The following ANKRD31 variants were observed in gnomAD, a reference collection of about 807,000 sequenced individuals.
The protein encoded by ANKRD31 is ankyrin repeat domain 31.
Under a neutral mutation model 186.0 loss-of-function variants are expected in ANKRD31, and 147 were observed. The ratio of observed to expected loss-of-function variants is 0.79; its 90% confidence interval spans 0.69 to 0.91. ANKRD31 has a LOEUF of 0.91. Among genes scored for constraint, ANKRD31 ranks in the 40% least tolerant of loss-of-function variants. The probability of loss-of-function intolerance (pLI) is 0.00; values close to 1 mark genes in which losing one functional copy is unlikely to be tolerated. For missense variants in ANKRD31, 1,986 were observed against 2,148.8 expected (o/e 0.92, Z 1.50); for synonymous variants, 673 against 736.4 (o/e 0.91, Z 1.39).
intron 22 of ANKRD31, among the ~76,000 whole-genome samples, chr5:75,101,548 G>A (rs181810743): frequency 2.6e-5 from 4 of 152,142 alleles, no homozygotes; most frequent in South Asian, 2.1e-4. Context: ...TCTCCCTCCC[G>A]TCACTTTCAG....
At chr5:75,171,027 C>G (rs1423262226) in intron 10 of ANKRD31, among the ~76,000 whole-genome samples, 1 of 151,894 alleles carries the variant, frequency 6.6e-6, no homozygotes, top group African/African-American at 2.4e-5. Flanking sequence ...TCCACAATCA[C>G]ATTTATGAGG....
At chr5:75,204,556 C>T (rs1756026105) in intron 5 of ANKRD31, among the ~76,000 whole-genome samples, 1 of 152,108 alleles carries the variant, frequency 6.6e-6, no homozygotes. Context: ...CTTATTCCTG[C>T]CATTTAGTAT....
chr5:75,202,930 G>A (rs550419836), intron 5 of ANKRD31, among the ~76,000 whole-genome samples: 2 of 152,192 alleles, frequency 1.3e-5, no homozygotes, highest in Non-Finnish European at 2.9e-5. Context: ...TAATCCTGGT[G>A]CATGTGGCAC....
intron 10 of ANKRD31, 60 bp downstream of exon 10, chr5:75,188,433 T>C (rs1754879639): frequency 1.4e-6 from 2 of 1,454,312 alleles, no homozygotes; most frequent in Admixed American, 2.3e-5. Flanking sequence ...TTCCTAAGAG[T>C]GATTCAGCTG....
At chr5:75,216,967 A>C (rs1199109875) in intron 3 of ANKRD31, among the ~76,000 whole-genome samples, 1 of 152,132 alleles carries the variant, frequency 6.6e-6, no homozygotes, top group Non-Finnish European at 1.5e-5. Context: ...TTTCTGCCTT[A>C]ATTTCATTAT....
rs1751251428 is a variant in ANKRD31 at position 75,144,127 on chromosome 5, T to G, written c.3469A>C (p.Arg1157=). ...NNISGDEITI[R]NCEEIKEKTE... ...TTTTCTTTTATCTCCTCACAATTTC[T>G]TATAGTTATTTCATCTCCACTGATG... The change falls in exon 15 of 26, where the codon AGA becomes CGA. Residue 1157 remains arginine (R), a synonymous_variant. Transcript: ENST00000506364. The G allele has an allele frequency of 2.5e-6, 1 of 397,332 alleles. No homozygotes were observed. The highest frequency in any genetic ancestry group is 2.1e-5 in the African/African-American group (1 of 48,566). 24.6% of individuals were successfully genotyped at this position (397,332 alleles called of 1,614,324 possible). A position where few individuals can be genotyped will look rare whatever the true frequency, so the allele number is the denominator to read the frequency against.
At chr5:75,114,704 T>G (rs975683647) in intron 19 of ANKRD31, among the ~76,000 whole-genome samples, 1 of 152,144 alleles carries the variant, frequency 6.6e-6, no homozygotes, top group Non-Finnish European at 1.5e-5. Flanking sequence ...TTACAAGGGA[T>G]GTGAAGGACC....
chr5:75,178,658 C>G (rs966881896), intron 10 of ANKRD31, among the ~76,000 whole-genome samples: 2 of 151,970 alleles, frequency 1.3e-5, no homozygotes, highest in African/African-American at 4.8e-5. Context: ...GAAATGAAGG[C>G]AAAAATAAAG....
intron 1 of ANKRD31, 35 bp downstream of exon 1, chr5:75,236,548 G>A: frequency 6.6e-7 from 1 of 1,524,396 alleles, no homozygotes; most frequent in African/African-American, 1.4e-5. Context: ...GCCCTGGCGC[G>A]AGGGTTCAGG....
intron 24 of ANKRD31, among the ~76,000 whole-genome samples, chr5:75,082,108 T>A (rs1745130686): frequency 1.3e-5 from 2 of 152,230 alleles, no homozygotes; most frequent in Admixed American, 1.3e-4. Flanking sequence ...ATATTACCAG[T>A]TATTAATGTT....
intron 2 of ANKRD31, among the ~76,000 whole-genome samples, chr5:75,227,041 A>G (rs1308533414): frequency 6.6e-6 from 1 of 152,182 alleles, no homozygotes; most frequent in African/African-American, 2.4e-5. Context: ...CTAAGTGTCC[A>G]TCAACAGATG....
rs748836270 is a variant in ANKRD31, at chr5:75,222,344, CAGG to C, written c.190_192del (p.Pro64del). On this transcript the variant is annotated inframe_deletion, in exon 3 of 26. Transcript: ENST00000506364. ...CTGAGCTTAAATCCAAGTTGAATCT[CAGG>C]AGAAGGCATGCCTAGAGTGAAACAT... The C allele has an allele frequency of 1.4e-5, 22 of 1,535,748 alleles. No individual in the cohort carries two copies. The highest frequency in any genetic ancestry group is 1.7e-4 in the Middle Eastern group (1 of 5,984).
At chr5:75,152,150 C>T (rs578171554) in intron 12 of ANKRD31, among the ~76,000 whole-genome samples, 157 of 152,134 alleles carry the variant, frequency 1.0e-3, no homozygotes, top group African/African-American at 3.7e-3. Flanking sequence ...CTTGACCTTT[C>T]CAAGGTCTGG....
intron 6 of ANKRD31, among the ~76,000 whole-genome samples, chr5:75,196,546 T>C (rs146377940): frequency 3.8e-3 from 577 of 152,344 alleles, no homozygotes; most frequent in African/African-American, 0.013. Context: ...CAAAGCTTCA[T>C]AGCCATTAAT....
At chr5:75,196,457 A>G (rs1191594977) in intron 6 of ANKRD31, among the ~76,000 whole-genome samples, 1 of 152,188 alleles carries the variant, frequency 6.6e-6, no homozygotes, top group African/African-American at 2.4e-5. Context: ...CGGATGGCAA[A>G]TTATTCACCT....
At chr5:75,175,646 A>AACAC (rs10532266) in intron 10 of ANKRD31, among the ~76,000 whole-genome samples, 4,241 of 147,638 alleles carry the variant, frequency 0.029, 123 homozygotes, top group South Asian at 0.077. Flanking sequence ...TACCTCAGAA[A>AACAC]ACACACACAC....
At chr5:75,213,849 T>C (rs1756799702) in intron 3 of ANKRD31, among the ~76,000 whole-genome samples, 1 of 152,232 alleles carries the variant, frequency 6.6e-6, no homozygotes, top group Non-Finnish European at 1.5e-5. Flanking sequence ...TTTCACTGAT[T>C]CATGGATAAC....
At chr5:75,101,019 C>G (rs553954597) in intron 22 of ANKRD31, among the ~76,000 whole-genome samples, 3 of 152,266 alleles carry the variant, frequency 2.0e-5, no homozygotes, top group African/African-American at 7.2e-5. Flanking sequence ...TTCCTAGCAT[C>G]GACGGTCTTT....
chr5:75,171,974 T>C (rs1471073225), intron 10 of ANKRD31, among the ~76,000 whole-genome samples: 3 of 151,884 alleles, frequency 2.0e-5, no homozygotes, highest in South Asian at 2.1e-4. Flanking sequence ...AAAAATATTA[T>C]ACACTGATAA....
Sources: allele counts gnomAD v4.1 joint callset (sites outside exome capture counted in the v4.1 genomes callset), GRCh38; gene constraint gnomAD v4.1.1; transcripts MANE v1.5; gene names NCBI Gene and HGNC (gene_info 2026-07-23, HGNC 2026-07-21).